DAG1: variants seen among roughly 807,000 people sequenced by gnomAD.
The protein encoded by DAG1 is dystroglycan 1 (dystrophin-associated glycoprotein 1).
In DAG1, 8 loss-of-function variants were observed where a neutral mutation model predicts 46.1. The observed-to-expected ratio is 0.17, with a 90% CI of 0.10 to 0.31. The LOEUF (loss-of-function observed/expected upper bound fraction) is 0.31, where lower values mean the gene tolerates loss of function less well. Among genes scored for constraint, DAG1 ranks in the 10% least tolerant of loss-of-function variants. The probability of loss-of-function intolerance (pLI) is 1.00; values close to 1 mark genes in which losing one functional copy is unlikely to be tolerated. For missense variants in DAG1, 1,003 were observed against 1,189.9 expected (o/e 0.84, Z 2.31); for synonymous variants, 495 against 481.8 (o/e 1.03, Z -0.36).
intron 1 of DAG1, among the ~76,000 whole-genome samples, chr3:49,499,928 GTCAC>G (rs567529791): frequency 6.6e-6 from 1 of 151,678 alleles, no homozygotes; most frequent in Non-Finnish European, 1.5e-5. Context: ...GGCTACAAAG[GTCAC>G]TACCTTTTAG....
At chr3:49,478,389 G>A (rs889638695) in intron 1 of DAG1, among the ~76,000 whole-genome samples, 2 of 127,448 alleles carry the variant, frequency 1.6e-5, no homozygotes, top group Admixed American at 1.1e-4. Context: ...GAAGCCAGGA[G>A]TTTGAGACCA....
intron 1 of DAG1, among the ~76,000 whole-genome samples, chr3:49,502,792 C>T (rs1037752523): frequency 1.3e-5 from 2 of 152,022 alleles, no homozygotes; most frequent in Non-Finnish European, 2.9e-5. Flanking sequence ...GCGCCCGCCA[C>T]CACACCTGGC....
At chr3:49,529,587 G>A (rs981597177) in intron 2 of DAG1, among the ~76,000 whole-genome samples, 1 of 152,194 alleles carries the variant, frequency 6.6e-6, no homozygotes, top group African/African-American at 2.4e-5. Flanking sequence ...TCCCCCTATT[G>A]ATAAGCAGTG....
intron 2 of DAG1, among the ~76,000 whole-genome samples, chr3:49,511,838 T>A (rs1396493567): frequency 6.6e-6 from 1 of 152,220 alleles, no homozygotes; most frequent in Non-Finnish European, 1.5e-5. Flanking sequence ...TTTTAGGCTT[T>A]GCAGGCCATA....
chr3:49,469,318 C>T (rs1005002221), upstream of DAG1, among the ~76,000 whole-genome samples: 5 of 152,180 alleles, frequency 3.3e-5, no homozygotes, highest in African/African-American at 4.8e-5. Context: ...GAGCCCACCA[C>T]GGGTCTCATT....
At chr3:49,494,709 A>G (rs909197612) in intron 1 of DAG1, among the ~76,000 whole-genome samples, 7 of 151,444 alleles carry the variant, frequency 4.6e-5, no homozygotes, top group Non-Finnish European at 7.4e-5. Flanking sequence ...ATCTTGGCTC[A>G]CTGCAACCTC....
chr3:49,528,509 TC>T (rs1016305994), intron 2 of DAG1, among the ~76,000 whole-genome samples: 1 of 151,850 alleles, frequency 6.6e-6, no homozygotes, highest in African/African-American at 2.4e-5. Context: ...GGTCTCAAAC[TC>T]CTGACTTCAA....
At chr3:49,469,223 A>C (rs2049446875), upstream of DAG1, among the ~76,000 whole-genome samples, 1 of 152,180 alleles carries the variant, frequency 6.6e-6, no homozygotes, top group African/African-American at 2.4e-5. Context: ...GCTTGCTGTC[A>C]AGAGTGCAGG....
At chr3:49,482,092 C>G (rs962067972) in intron 1 of DAG1, among the ~76,000 whole-genome samples, 1 of 152,086 alleles carries the variant, frequency 6.6e-6, no homozygotes. Context: ...TTTAAGGGAT[C>G]CAGGGCTGTG....
intron 2 of DAG1, among the ~76,000 whole-genome samples, chr3:49,521,463 C>T (rs2051026203): frequency 6.6e-6 from 1 of 152,134 alleles, no homozygotes; most frequent in Non-Finnish European, 1.5e-5. Context: ...CTGCGCCCGG[C>T]CGTCTTTGTT....
intron 1 of DAG1, among the ~76,000 whole-genome samples, chr3:49,502,485 A>G (rs2050479177): frequency 6.6e-6 from 1 of 152,160 alleles, no homozygotes; most frequent in Admixed American, 6.6e-5. Flanking sequence ...ATGGGTCTGA[A>G]ATCCTGTGAG....
At chr3:49,480,545 G>A (rs1343667402) in intron 1 of DAG1, among the ~76,000 whole-genome samples, 1 of 148,710 alleles carries the variant, frequency 6.7e-6, no homozygotes, top group Admixed American at 6.7e-5. Context: ...CGCCCGCCTT[G>A]GCCTCCCAAA....
rs552151176 is a variant in DAG1 at position 49,481,376 on chromosome 3, G to A, written c.-117+10943G>A. ...AGTGCCATTGCACTCCAGCCTGGGC[G>A]ACAGAGTGAGACTCTGCCTCAAAAA... On this transcript the variant is annotated intron_variant, in intron 1 of 2. Transcript: ENST00000308775. Among the ~76,000 whole-genome samples, 197 of 138,310 alleles carry A rather than the reference G, an allele frequency of 1.4e-3. 2 individuals are homozygous for A. Among genetic ancestry groups the A allele is most frequent in the Admixed American group, 9.1e-3 (119 of 13,122 alleles). The allele number at this position is 138,310 out of a possible 152,430, so 90.7% of individuals were successfully genotyped here.
At chr3:49,507,004 A>T (rs1322151972) in intron 1 of DAG1, among the ~76,000 whole-genome samples, 6 of 152,030 alleles carry the variant, frequency 3.9e-5, no homozygotes, top group Non-Finnish European at 7.3e-5. Flanking sequence ...AATAAAGAAA[A>T]TTCAATATAT....
At chr3:49,508,259 T>C (rs1168405352) in intron 1 of DAG1, among the ~76,000 whole-genome samples, 1 of 149,752 alleles carries the variant, frequency 6.7e-6, no homozygotes, top group African/African-American at 2.5e-5. Flanking sequence ...TGGAATGCAA[T>C]GGTGCATTCT....
chr3:49,531,811 C>T lies in DAG1; in HGVS notation c.1300C>T (p.Pro434Ser), dbSNP rs2051356312. The T allele has an allele frequency of 6.2e-7, 1 of 1,614,018 alleles. No homozygotes were observed. The highest frequency in any genetic ancestry group is 8.5e-7 in the Non-Finnish European group (1 of 1,180,004). The change falls in exon 3 of 3, where the codon CCA becomes TCA. Residue 434 changes from proline to serine, a missense_variant. Pro to Ser is a moderately conservative substitution (Grantham distance 74, BLOSUM62 -1). This residue lies in a region of DAG1 where 755 missense variants were observed against 854.1 expected (regional missense o/e 0.88). Transcript: ENST00000308775. This position sits in a 1 kb window ranked among gnomAD's most constrained non-coding sequence, Gnocchi z 7.0. The part of the protein sequence containing the change: ...TKKPRVSTPK[P>S]ATPSTDSTTT... ...GAAGCCACGAGTATCCACACCAAAACCAGCAACGCCTTCAACTGACTCCAC... is the reference window on the plus strand; with the variant it reads ...GAAGCCACGAGTATCCACACCAAAATCAGCAACGCCTTCAACTGACTCCAC...
Position 49,530,929 on chromosome 3 carries a change from G to C in DAG1, c.418G>C (p.Ala140Pro), listed in dbSNP as rs753479105. 1.9e-6 allele frequency: 3 copies of C among 1,614,102 alleles called. No homozygotes were observed. The African/African-American group carries it at 4.0e-5, about 22-fold the overall frequency. ...YISVSATRLG[A>P]NGSHIPQTSS... ...TTCAGTGAGCGCTACACGGCTGGGGGCCAACGGGAGCCACATCCCCCAGAC... is the reference window on the plus strand; with the variant it reads ...TTCAGTGAGCGCTACACGGCTGGGGCCCAACGGGAGCCACATCCCCCAGAC... Residue 140 changes from alanine to proline, a missense_variant, in exon 3 of 3, where the codon GCC becomes CCC. By Grantham distance (27) the Ala-to-Pro change is conservative (BLOSUM62 -1). Transcript: ENST00000308775.
At chr3:49,476,394 A>G (rs907877082) in intron 1 of DAG1, among the ~76,000 whole-genome samples, 1 of 152,040 alleles carries the variant, frequency 6.6e-6, no homozygotes, top group Non-Finnish European at 1.5e-5. Flanking sequence ...GTTCGAGACC[A>G]GCCCGTCCAA....
chr3:49,494,006 T>C (rs576258424), intron 1 of DAG1, among the ~76,000 whole-genome samples: 2 of 152,298 alleles, frequency 1.3e-5, no homozygotes, highest in East Asian at 3.9e-4. Flanking sequence ...GTGGCAAGGC[T>C]GAAGCAGGTA....
Sources: allele counts gnomAD v4.1 joint callset (sites outside exome capture counted in the v4.1 genomes callset), GRCh38; gene constraint gnomAD v4.1.1; regional missense constraint gnomAD v4.1.1; non-coding constraint Gnocchi (gnomAD v3.1); transcripts MANE v1.5; gene names NCBI Gene and HGNC (gene_info 2026-07-23, HGNC 2026-07-21).